The following CDH13 variants were observed in gnomAD, a reference collection of about 807,000 sequenced individuals.
CDH13 encodes the protein cadherin-13.
In CDH13, 24 loss-of-function variants were observed where a neutral mutation model predicts 63.8. The observed-to-expected ratio is 0.38, with a 90% CI of 0.27 to 0.53. The LOEUF (loss-of-function observed/expected upper bound fraction) is 0.53, where lower values mean the gene tolerates loss of function less well. Among genes scored for constraint, CDH13 ranks in the 20% least tolerant of loss-of-function variants. The pLI is 0.85. For missense variants in CDH13, 1,049 were observed against 903.1 expected, an observed-to-expected ratio of 1.16 and a Z score of -2.07; for synonymous variants, 503 against 355.3, an observed-to-expected ratio of 1.42 and a Z score of -4.67.
chr16:82,918,196 G>T (rs1166933147), intron 2 of CDH13, among the ~76,000 whole-genome samples: 1 of 152,156 alleles, frequency 6.6e-6, no homozygotes, highest in Non-Finnish European at 1.5e-5. Context: ...CTGCAAAAGG[G>T]TTGGACAAAT....
intron 1 of CDH13, among the ~76,000 whole-genome samples, chr16:82,715,805 G>C (rs1016583315): frequency 4.6e-5 from 7 of 152,178 alleles, no homozygotes; most frequent in African/African-American, 1.7e-4. Context: ...ACAAGCCACA[G>C]TCTCACCTCA....
intron 7 of CDH13, among the ~76,000 whole-genome samples, chr16:83,518,537 A>G (rs1048383828): frequency 6.8e-6 from 1 of 147,480 alleles, no homozygotes; most frequent in Non-Finnish European, 1.5e-5. Context: ...CAGTGGTGCA[A>G]TGTTGGCTCA....
intron 5 of CDH13, among the ~76,000 whole-genome samples, chr16:83,234,974 A>G (rs2040102895): frequency 6.6e-6 from 1 of 152,192 alleles, no homozygotes; most frequent in Admixed American, 6.5e-5. Context: ...AAGCCAGAGG[A>G]TTGCTTGAGG....
At chr16:83,193,161 A>T (rs2151757695) in intron 4 of CDH13, among the ~76,000 whole-genome samples, 1 of 152,140 alleles carries the variant, frequency 6.6e-6, no homozygotes, top group Non-Finnish European at 1.5e-5. Flanking sequence ...CTTGAAAAAA[A>T]AAAAAGATCA....
chr16:83,100,105 T>C (rs1030807432), intron 3 of CDH13, among the ~76,000 whole-genome samples: 1 of 152,306 alleles, frequency 6.6e-6, no homozygotes, highest in Middle Eastern at 3.4e-3. Context: ...TCATCACTCA[T>C]TCAATTCGTG....
chr16:82,725,330 C>T (rs181787255), intron 1 of CDH13, among the ~76,000 whole-genome samples: 52 of 152,266 alleles, frequency 3.4e-4, no homozygotes, highest in African/African-American at 1.2e-3. Context: ...TTGGGCAGAG[C>T]ATAAAAGATG....
At chr16:83,726,766 A>T in intron 10 of CDH13, among the ~76,000 whole-genome samples, 1 of 151,678 alleles carries the variant, frequency 6.6e-6, no homozygotes, top group Non-Finnish European at 1.5e-5. Flanking sequence ...TGAACCCGGG[A>T]GGCGGAGCTT....
chr16:83,159,214 A>G (rs529206972), intron 4 of CDH13, among the ~76,000 whole-genome samples: 1 of 152,234 alleles, frequency 6.6e-6, no homozygotes, highest in South Asian at 2.1e-4. Context: ...AAGACCATTC[A>G]TCAGTCTGCT....
intron 1 of CDH13, among the ~76,000 whole-genome samples, chr16:82,729,149 A>T (rs1312687608): frequency 1.3e-5 from 2 of 152,148 alleles, no homozygotes; most frequent in Admixed American, 1.3e-4. Context: ...TATGAAGGCT[A>T]GAATCAACTT....
intron 6 of CDH13, among the ~76,000 whole-genome samples, chr16:83,345,836 A>G (rs900704095): frequency 6.6e-6 from 1 of 152,354 alleles, no homozygotes; most frequent in African/African-American, 2.4e-5. Flanking sequence ...TAAGAGTATC[A>G]TGATACTCCT....
At chr16:83,044,733 G>A (rs1464886642) in intron 3 of CDH13, among the ~76,000 whole-genome samples, 2 of 152,220 alleles carry the variant, frequency 1.3e-5, no homozygotes, top group Non-Finnish European at 2.9e-5. Flanking sequence ...AGACTCAGAG[G>A]TGGGTCTTAG....
intron 1 of CDH13, among the ~76,000 whole-genome samples, chr16:82,702,268 C>A (rs1205242926): frequency 2.0e-5 from 3 of 152,136 alleles, no homozygotes; most frequent in Non-Finnish European, 4.4e-5. Context: ...TTAAACTTGC[C>A]CCTGCTCCTC....
chr16:83,093,520 G>A (rs1013092389), intron 3 of CDH13, among the ~76,000 whole-genome samples: 12 of 151,420 alleles, frequency 7.9e-5, no homozygotes, highest in South Asian at 4.2e-4. Flanking sequence ...GGATTTCACC[G>A]TGTTGGCCAG....
intron 1 of CDH13, among the ~76,000 whole-genome samples, chr16:82,693,503 T>C (rs1391349881): frequency 6.6e-6 from 1 of 152,132 alleles, no homozygotes; most frequent in Non-Finnish European, 1.5e-5. Context: ...GCTCTAAACA[T>C]TTAGTTACTC....
intron 7 of CDH13, among the ~76,000 whole-genome samples, chr16:83,559,279 G>C (rs1395792209): frequency 6.6e-6 from 1 of 152,090 alleles, no homozygotes; most frequent in Non-Finnish European, 1.5e-5. Flanking sequence ...ATTTTTATTT[G>C]AAAAACTGAA....
chr16:83,297,386 A>C (rs1284776756), intron 5 of CDH13, among the ~76,000 whole-genome samples: 1 of 152,174 alleles, frequency 6.6e-6, no homozygotes, highest in Non-Finnish European at 1.5e-5. Flanking sequence ...ATTATGTGTC[A>C]ATTAAAAAAA....
At chr16:83,172,834 G>A (rs979268991) in intron 4 of CDH13, among the ~76,000 whole-genome samples, 2 of 152,062 alleles carry the variant, frequency 1.3e-5, no homozygotes, top group Non-Finnish European at 2.9e-5. Context: ...TTCTGAATGT[G>A]GATCGTTTCA....
chr16:83,214,891 G>A (rs1034776211), intron 4 of CDH13, among the ~76,000 whole-genome samples: 1 of 151,952 alleles, frequency 6.6e-6, no homozygotes, highest in Non-Finnish European at 1.5e-5. Context: ...TGTCTAATCC[G>A]TGGAGTTCAT....
Position 83,536,260 on chromosome 16 carries a change from T to C in CDH13, c.960+49605T>C, listed in dbSNP as rs116413354. Among the ~76,000 whole-genome samples the C allele has an allele frequency of 7.2e-3, 1,100 of 152,270 alleles. 20 individuals carry two copies. Among genetic ancestry groups the C allele is most frequent in the African/African-American group, 0.025 (1,021 of 41,548 alleles). On this transcript the variant is annotated intron_variant, in intron 7 of 13. Transcript: ENST00000567109. ...ACAATGTAGTTGGGGGGACCAATATTAGTCAAATAAGCATAGTAAGAAAGA... is the reference window on the plus strand; with the variant it reads ...ACAATGTAGTTGGGGGGACCAATATCAGTCAAATAAGCATAGTAAGAAAGA...
Sources: gnomAD v4.1 joint callset for allele counts (sites outside exome capture counted in the v4.1 genomes callset) on GRCh38, gnomAD v4.1.1 for gene constraint, MANE v1.5 for transcripts, NCBI Gene and HGNC (gene_info 2026-07-23, HGNC 2026-07-21) for gene names.